CACNA1C: variants seen among roughly 807,000 people sequenced by gnomAD.
CACNA1C encodes the protein voltage-dependent L-type calcium channel subunit alpha-1C.
Under a neutral mutation model 229.0 loss-of-function variants are expected in CACNA1C, and 30 were observed. That is an observed-to-expected ratio of 0.13 (90% CI 0.10 to 0.18). The LOEUF (loss-of-function observed/expected upper bound fraction) is 0.18, where lower values mean the gene tolerates loss of function less well. Among genes scored for constraint, CACNA1C ranks in the 10% least tolerant of loss-of-function variants. The probability of loss-of-function intolerance (pLI) is 1.00; values close to 1 mark genes in which losing one functional copy is unlikely to be tolerated. For synonymous variants in CACNA1C, 1,114 were observed against 1,132.5 expected, an observed-to-expected ratio of 0.98 and a Z score of 0.33; for missense variants, 1,658 against 2,845.0, an observed-to-expected ratio of 0.58 and a Z score of 9.49.
In CACNA1C at chr12:2,575,370, G is replaced by A. The variant is rs1422033345; in HGVS notation, c.1896-6220G>A. Among the ~76,000 whole-genome samples, 3 of 152,084 alleles carry A rather than the reference G, an allele frequency of 2.0e-5. No homozygotes were observed. The highest frequency in any genetic ancestry group is 2.0e-4 in the Admixed American group (3 of 15,268). On this transcript the variant is annotated intron_variant, in intron 13 of 46. Transcript: ENST00000399655. This position sits in a 1 kb window ranked among gnomAD's most constrained non-coding sequence, Gnocchi z 4.0. ...CCTCCTGGCCCAGCCCAGCATATAC[G>A]GTTCTGCCTCTGGGCATCCTAATCC...
chr12:2,054,469 T>C lies in CACNA1C; in HGVS notation c.49+858T>C, dbSNP rs2053794658. Among the ~76,000 whole-genome samples the C allele has an allele frequency of 6.6e-6, 1 of 152,152 alleles. No homozygotes were observed. The highest frequency in any genetic ancestry group is 2.4e-5 in the African/African-American group (1 of 41,428). ...CGGCTCCATACTATTGCCCAGTGTT[T>C]TCCGAGCATCTCCATCCTTGGCCGC... is the stretch of plus-strand genomic sequence containing the variant. On this transcript the variant is annotated intron_variant, in intron 1 of 46. Coordinates refer to ENST00000399655, the MANE Select transcript of CACNA1C (RefSeq NM_000719.7). This position sits in a 1 kb window ranked among gnomAD's most constrained non-coding sequence, Gnocchi z 5.5.
Position 2,098,975 on chromosome 12 carries a change from G to A in CACNA1C, c.50-16249G>A, listed in dbSNP as rs557317397. ...ACTGGTAGCACTGCTCACCGTGTGAGGGGCGGCCGTAGAGCTAGGGCCTGC... is the reference window on the plus strand; with the variant it reads ...ACTGGTAGCACTGCTCACCGTGTGAAGGGCGGCCGTAGAGCTAGGGCCTGC... On this transcript the variant is annotated intron_variant, in intron 1 of 46. Coordinates refer to ENST00000399655, the MANE Select transcript of CACNA1C (RefSeq NM_000719.7). 1.2e-4 allele frequency among the ~76,000 whole-genome samples: 18 copies of A among 152,336 alleles called. No individual in the cohort carries two copies. In the South Asian group the frequency reaches 1.9e-3, roughly 16 times the overall value.
intron 42 of CACNA1C, chr12:2,680,306 G>A (rs2097071304): frequency 3.9e-6 from 5 of 1,296,946 alleles, no homozygotes; most frequent in East Asian, 5.1e-5. Context: ...GGTCTTGACT[G>A]TACCTCTTAC....
At chr12:2,179,849 AC>A (rs1258086626) in intron 3 of CACNA1C, among the ~76,000 whole-genome samples, 1 of 152,148 alleles carries the variant, frequency 6.6e-6, no homozygotes, top group Non-Finnish European at 1.5e-5. Context: ...CTGCCTCCAA[AC>A]CACTGTACAC....
At chr12:2,562,166 A>T (rs1197466650) in intron 11 of CACNA1C, among the ~76,000 whole-genome samples, 1 of 135,112 alleles carries the variant, frequency 7.4e-6, no homozygotes, top group Non-Finnish European at 1.5e-5. Context: ...CACTCCGGCC[A>T]CTCCTCAGGG....
intron 13 of CACNA1C, among the ~76,000 whole-genome samples, chr12:2,573,561 A>G (rs1226007957): frequency 6.6e-6 from 1 of 152,224 alleles, no homozygotes; most frequent in Non-Finnish European, 1.5e-5. Context: ...ACATGGATTC[A>G]TGGATCCCTT....
At chr12:2,118,935 T>C (rs2085240069) in intron 2 of CACNA1C, among the ~76,000 whole-genome samples, 1 of 152,150 alleles carries the variant, frequency 6.6e-6, no homozygotes, top group African/African-American at 2.4e-5. Flanking sequence ...TACAGGAAAA[T>C]GGATCCTCAG....
intron 3 of CACNA1C, among the ~76,000 whole-genome samples, chr12:2,312,958 C>T (rs2095511529): frequency 6.6e-6 from 1 of 152,170 alleles, no homozygotes. Flanking sequence ...ATACTGAGTC[C>T]TGACTCCCTC....
intron 3 of CACNA1C, among the ~76,000 whole-genome samples, chr12:2,334,610 G>A (rs771775216): frequency 6.6e-6 from 1 of 152,098 alleles, no homozygotes; most frequent in Non-Finnish European, 1.5e-5. Flanking sequence ...TTTGAGACCG[G>A]CCTGGACTAC....
At chr12:2,293,999 A>C (rs563453149) in intron 3 of CACNA1C, among the ~76,000 whole-genome samples, 1 of 152,316 alleles carries the variant, frequency 6.6e-6, no homozygotes, top group East Asian at 1.9e-4. Context: ...TCATTTATTA[A>C]CTTTCTAATA....
At chr12:2,006,081 C>T (rs2470411) in intron 1 of CACNA1C, among the ~76,000 whole-genome samples, 82,695 of 152,174 alleles carry the variant, frequency 0.54, 22,931 homozygotes, top group African/African-American at 0.65. Context: ...GTATAACTCA[C>T]ATAAACAAAA....
chr12:2,597,342 G>T lies in CACNA1C; in HGVS notation c.2853+53G>T. ...CCTGTCCCCCTTGTGCCAGCACCAGGTCTCTGCCGCTGTCTGTCGCTAACA... is the reference window on the plus strand; with the variant it reads ...CCTGTCCCCCTTGTGCCAGCACCAGTTCTCTGCCGCTGTCTGTCGCTAACA... On this transcript the variant is annotated intron_variant, in intron 21 of 46. Transcript: ENST00000399655. The surrounding 1 kb of genome is among the most constrained non-coding windows in gnomAD (Gnocchi z 4.3). 2 of 1,514,192 alleles carry T rather than the reference G, an allele frequency of 1.3e-6. No individual in the cohort carries two copies. Among genetic ancestry groups the T allele is most frequent in the South Asian group, 1.1e-5 (1 of 89,006 alleles). 93.8% of individuals were successfully genotyped at this position (1,514,192 alleles called of 1,614,324 possible). A position where few individuals can be genotyped will look rare whatever the true frequency, so the allele number is the denominator to read the frequency against.
At chr12:2,120,480 C>T (rs199623378) in intron 3 of CACNA1C, 50 bp downstream of exon 3, 275 of 1,014,296 alleles carry the variant, frequency 2.7e-4, no homozygotes, top group Admixed American at 3.9e-4. Flanking sequence ...TGGAGAACTG[C>T]GTTCAGATCA....
chr12:2,273,336 A>G (rs1239746863), intron 3 of CACNA1C, among the ~76,000 whole-genome samples: 1 of 151,904 alleles, frequency 6.6e-6, no homozygotes, highest in African/African-American at 2.4e-5. Context: ...TTTCTTTTCA[A>G]ATATTTTCTA....
intron 3 of CACNA1C, among the ~76,000 whole-genome samples, chr12:2,243,599 G>C (rs140111841): frequency 6.6e-6 from 1 of 152,320 alleles, no homozygotes; most frequent in East Asian, 1.9e-4. Context: ...ATCTGGGTTT[G>C]ACTAATCCCT....
At chr12:2,294,500 G>A (rs1251433401) in intron 3 of CACNA1C, among the ~76,000 whole-genome samples, 1 of 151,974 alleles carries the variant, frequency 6.6e-6, no homozygotes, top group African/African-American at 2.4e-5. Context: ...GCAGTGGAGA[G>A]TGAGGGGCGG....
At chr12:2,177,463 C>T (rs1157482579) in intron 3 of CACNA1C, among the ~76,000 whole-genome samples, 1 of 151,888 alleles carries the variant, frequency 6.6e-6, no homozygotes, top group African/African-American at 2.4e-5. Context: ...GTGTTTCTCT[C>T]CCTTTCTTTC....
chr12:2,279,235 G>A (rs1298155452), intron 3 of CACNA1C, among the ~76,000 whole-genome samples: 4 of 151,896 alleles, frequency 2.6e-5, no homozygotes, highest in Non-Finnish European at 5.9e-5. Flanking sequence ...CCATATATGT[G>A]TTGGTCTATT....
chr12:2,540,943 C>G (rs1412144257), intron 9 of CACNA1C, among the ~76,000 whole-genome samples: 1 of 152,186 alleles, frequency 6.6e-6, no homozygotes, highest in South Asian at 2.1e-4. Context: ...GATCAAGGTG[C>G]TGGCGGGCTT....
Sources: gnomAD v4.1 joint callset for allele counts (sites outside exome capture counted in the v4.1 genomes callset) on GRCh38, gnomAD v4.1.1 for gene constraint, Gnocchi (gnomAD v3.1) non-coding constraint, MANE v1.5 for transcripts, NCBI Gene and HGNC (gene_info 2026-07-23, HGNC 2026-07-21) for gene names.